NELL1: variants seen among roughly 807,000 people sequenced by gnomAD.
NELL1 encodes neural EGFL like 1.
A neutral mutation model predicts 107.4 loss-of-function variants in NELL1; 76 were observed. The ratio of observed to expected loss-of-function variants is 0.71; its 90% CI spans 0.59 to 0.86. The LOEUF is 0.86. NELL1 is among the 40% of genes least tolerant of loss of function. The pLI, the probability that NELL1 is intolerant of heterozygous loss-of-function variation, is 0.00. For synonymous variants in NELL1, 353 were observed against 341.2 expected (o/e 1.03, Z -0.38); for missense variants, 1,024 against 1,005.5 (o/e 1.02, Z -0.25).
At chr11:21,105,957 C>G (rs574140764) in intron 12 of NELL1, among the ~76,000 whole-genome samples, 99 of 137,194 alleles carry the variant, frequency 7.2e-4, no homozygotes, top group Non-Finnish European at 1.5e-3. Flanking sequence ...TCCTCCCTCC[C>G]TCTCTTTCTT....
At chr11:20,731,419 A>ACTGGAGCTAGG (rs1178455567) in intron 2 of NELL1, among the ~76,000 whole-genome samples, 2 of 148,658 alleles carry the variant, frequency 1.3e-5, no homozygotes, top group African/African-American at 2.4e-5. Context: ...AGCAATAAAG[A>ACTGGAGCTAGG]ACTGGAGCTA....
At chr11:21,045,651 C>T (rs1004535541) in intron 12 of NELL1, among the ~76,000 whole-genome samples, 5 of 152,062 alleles carry the variant, frequency 3.3e-5, no homozygotes, top group Admixed American at 1.3e-4. Flanking sequence ...CTTTTCTGTT[C>T]TTGACCACCT....
chr11:21,191,937 A>T (rs1202717767), intron 13 of NELL1, among the ~76,000 whole-genome samples: 3 of 151,974 alleles, frequency 2.0e-5, no homozygotes, highest in Non-Finnish European at 4.4e-5. Context: ...AAATGGACTT[A>T]TTAGATAATA....
intron 2 of NELL1, among the ~76,000 whole-genome samples, chr11:20,700,733 C>A (rs1218807183): frequency 6.6e-6 from 1 of 152,030 alleles, no homozygotes; most frequent in African/African-American, 2.4e-5. Flanking sequence ...TGTTCAATTC[C>A]CACCTCTGAG....
intron 3 of NELL1, among the ~76,000 whole-genome samples, chr11:20,787,484 T>C (rs921617535): frequency 6.6e-6 from 1 of 152,236 alleles, no homozygotes; most frequent in South Asian, 2.1e-4. Flanking sequence ...GAGCAAATTA[T>C]CCTGTAGAAA....
intron 14 of NELL1, among the ~76,000 whole-genome samples, chr11:21,274,718 T>A (rs1467729862): frequency 6.6e-6 from 1 of 152,136 alleles, no homozygotes; most frequent in Non-Finnish European, 1.5e-5. Flanking sequence ...CACAGTGCAA[T>A]CAAACTAGAA....
chr11:21,337,522 G>A (rs530579266), intron 14 of NELL1, among the ~76,000 whole-genome samples: 1 of 152,332 alleles, frequency 6.6e-6, no homozygotes, highest in East Asian at 1.9e-4. Context: ...ACAGCATACA[G>A]GAGCTCTTAC....
intron 2 of NELL1, among the ~76,000 whole-genome samples, chr11:20,780,789 G>GA (rs1856835860): frequency 6.6e-6 from 1 of 152,142 alleles, no homozygotes; most frequent in Non-Finnish European, 1.5e-5. Context: ...AAAGGAGAGA[G>GA]AAGAGCACTG....
At chr11:21,393,834 C>T (rs979851721) in intron 15 of NELL1, among the ~76,000 whole-genome samples, 4 of 151,598 alleles carry the variant, frequency 2.6e-5, no homozygotes, top group Non-Finnish European at 4.4e-5. Flanking sequence ...TTAGTGTTAA[C>T]GTGCTAGGTG....
At chr11:21,142,745 T>C (rs1021678205) in intron 13 of NELL1, among the ~76,000 whole-genome samples, 2 of 152,186 alleles carry the variant, frequency 1.3e-5, no homozygotes, top group African/African-American at 2.4e-5. Context: ...TGGAGTCTCT[T>C]TGTCATCCTT....
At chr11:20,807,930 C>G (rs1857419664) in intron 3 of NELL1, among the ~76,000 whole-genome samples, 1 of 152,130 alleles carries the variant, frequency 6.6e-6, no homozygotes, top group South Asian at 2.1e-4. Context: ...TGGCCTGGGA[C>G]TCATCCTTCA....
chr11:20,799,005 G>A (rs1857228908), intron 3 of NELL1, among the ~76,000 whole-genome samples: 1 of 41,018 alleles, frequency 2.4e-5, no homozygotes, highest in Non-Finnish European at 9.9e-5. Flanking sequence ...AATGATAAAC[G>A]TCATGGAAGA....
At chr11:21,449,548 A>G (rs1216366935) in intron 15 of NELL1, among the ~76,000 whole-genome samples, 2 of 152,156 alleles carry the variant, frequency 1.3e-5, no homozygotes, top group African/African-American at 2.4e-5. Flanking sequence ...TGAAGAGCAG[A>G]AGTTTTAATT....
intron 13 of NELL1, among the ~76,000 whole-genome samples, chr11:21,158,015 G>A (rs187000971): frequency 3.9e-5 from 6 of 152,220 alleles, no homozygotes; most frequent in Admixed American, 3.3e-4. Context: ...GTCTGGGTGG[G>A]CACCATCTAA....
intron 15 of NELL1, among the ~76,000 whole-genome samples, chr11:21,410,107 T>A (rs997857469): frequency 6.6e-6 from 1 of 152,082 alleles, no homozygotes; most frequent in Non-Finnish European, 1.5e-5. Flanking sequence ...CATTGCAGTG[T>A]TTTCCCCCTT....
chr11:20,909,329 AAAAC>A, intron 5 of NELL1, among the ~76,000 whole-genome samples: 2 of 152,326 alleles, frequency 1.3e-5, no homozygotes, highest in Admixed American at 1.3e-4. Flanking sequence ...AAATTTTAAA[AAAAC>A]AAAACAAAAC....
chr11:20,835,880 T>C (rs567137934), intron 3 of NELL1, among the ~76,000 whole-genome samples: 12 of 152,280 alleles, frequency 7.9e-5, no homozygotes, highest in South Asian at 2.1e-4. Flanking sequence ...GATGAGCTTT[T>C]AGGTACAACA....
intron 15 of NELL1, among the ~76,000 whole-genome samples, chr11:21,408,010 CT>C (rs944524051): frequency 2.6e-5 from 4 of 151,842 alleles, no homozygotes; most frequent in African/African-American, 9.7e-5. Context: ...GCTTCCCTTT[CT>C]TTTATTGTGA....
intron 3 of NELL1, among the ~76,000 whole-genome samples, chr11:20,812,981 C>A (rs1490108801): frequency 6.7e-5 from 8 of 118,842 alleles, no homozygotes; most frequent in African/African-American, 2.2e-4. Context: ...TGCACTCCAG[C>A]CTGGGCGACA....
Sources: allele counts gnomAD v4.1 joint callset (sites outside exome capture counted in the v4.1 genomes callset), GRCh38; gene constraint gnomAD v4.1.1; transcripts MANE v1.5; gene names NCBI Gene and HGNC (gene_info 2026-07-23, HGNC 2026-07-21).